ERG: variants seen among roughly 807,000 people sequenced by gnomAD.
The protein encoded by ERG is ETS transcription factor ERG.
Under a neutral mutation model 55.3 loss-of-function variants are expected in ERG, and 9 were observed. The observed-to-expected ratio is 0.16, with a 90% CI of 0.10 to 0.28. The LOEUF (loss-of-function observed/expected upper bound fraction) is 0.28, where lower values mean the gene tolerates loss of function less well. Ranked by LOEUF, ERG falls within the 10% of genes least tolerant of loss-of-function variation. The pLI, the probability that ERG is intolerant of heterozygous loss-of-function variation, is 1.00. For synonymous variants in ERG, 223 were observed against 237.3 expected, an observed-to-expected ratio of 0.94 and a Z score of 0.55; for missense variants, 434 against 631.6, an observed-to-expected ratio of 0.69 and a Z score of 3.35.
At chr21:38,622,436 C>T (rs77496968) in intron 1 of ERG, among the ~76,000 whole-genome samples, 1 of 149,096 alleles carries the variant, frequency 6.7e-6, no homozygotes, top group Non-Finnish European at 1.5e-5. Context: ...ACACACACAC[C>T]CCCCACACAT....
intron 1 of ERG, among the ~76,000 whole-genome samples, chr21:38,628,912 G>C (rs890670945): frequency 1.3e-5 from 2 of 152,148 alleles, no homozygotes; most frequent in Admixed American, 6.5e-5. Context: ...AGCTTTAGAG[G>C]ACTAGGGCCT....
chr21:38,595,758 C>A (rs529637210), intron 1 of ERG, among the ~76,000 whole-genome samples: 8 of 152,226 alleles, frequency 5.3e-5, no homozygotes, highest in Middle Eastern at 3.4e-3. Context: ...AGGGTCCGCA[C>A]CTGGAGGGCA....
intron 6 of ERG, among the ~76,000 whole-genome samples, chr21:38,396,393 A>G (rs1018268496): frequency 1.3e-5 from 2 of 152,060 alleles, no homozygotes; most frequent in Admixed American, 1.3e-4. Context: ...CATAACACCT[A>G]ACTGAGAGAT....
At chr21:38,532,773 T>C (rs565996673) in intron 2 of ERG, among the ~76,000 whole-genome samples, 2 of 152,342 alleles carry the variant, frequency 1.3e-5, no homozygotes, top group Admixed American at 6.5e-5. Flanking sequence ...ATGATCTCTA[T>C]GGATAGTAGA....
intron 1 of ERG, among the ~76,000 whole-genome samples, chr21:38,657,714 A>G (rs974011845): frequency 6.6e-6 from 1 of 152,226 alleles, no homozygotes; most frequent in African/African-American, 2.4e-5. Flanking sequence ...TTTACAAAAT[A>G]ACTGCTTTCA....
Position 38,573,979 on chromosome 21 carries a change from G to A in ERG, c.-41+1683C>T, listed in dbSNP as rs186090425. Among the ~76,000 whole-genome samples the A allele has an allele frequency of 2.6e-5, 4 of 152,280 alleles. No homozygotes were observed. The East Asian group carries it at 7.7e-4, about 29-fold the overall frequency. ...CACATTTTCAAAGATGGTGTTTTCA[G>A]GTTTGTATGGGATTGTTTCACCTTT... On this transcript the variant is annotated intron_variant, in intron 2 of 8. Coordinates refer to the ERG transcript ENST00000398897.
intron 3 of ERG, among the ~76,000 whole-genome samples, chr21:38,404,591 G>A (rs565593716): frequency 4.9e-4 from 74 of 152,274 alleles, no homozygotes; most frequent in Non-Finnish European, 9.4e-4. Flanking sequence ...CTTGGGCCCC[G>A]AGCCCTGAGA....
chr21:38,615,475 A>C (rs2060253084), intron 1 of ERG, among the ~76,000 whole-genome samples: 1 of 151,912 alleles, frequency 6.6e-6, no homozygotes, highest in Non-Finnish European at 1.5e-5. Context: ...CAAGTAAAGG[A>C]GGCAGTAAAG....
chr21:38,631,742 A>T (rs1291831098), intron 1 of ERG, among the ~76,000 whole-genome samples: 1 of 151,368 alleles, frequency 6.6e-6, no homozygotes. Context: ...CCCTATCCTG[A>T]CCTCTTGGTA....
intron 2 of ERG, among the ~76,000 whole-genome samples, chr21:38,534,280 T>C (rs566528278): frequency 1.3e-5 from 2 of 152,326 alleles, no homozygotes; most frequent in African/African-American, 2.4e-5. Context: ...TGTGATTTTT[T>C]TTAATGTCAC....
intron 6 of ERG, among the ~76,000 whole-genome samples, chr21:38,395,158 T>C (rs1988152149): frequency 6.6e-6 from 1 of 152,234 alleles, no homozygotes; most frequent in African/African-American, 2.4e-5. Context: ...GCTTTTGTTT[T>C]CTTCCATGAC....
At chr21:38,548,411 T>TA (rs1284565610) in intron 2 of ERG, among the ~76,000 whole-genome samples, 2 of 152,042 alleles carry the variant, frequency 1.3e-5, no homozygotes, top group East Asian at 3.9e-4. Context: ...CCAAGATCCT[T>TA]ATAGTTTTCC....
intron 1 of ERG, among the ~76,000 whole-genome samples, chr21:38,633,433 G>A (rs544185220): frequency 6.6e-6 from 1 of 152,240 alleles, no homozygotes; most frequent in African/African-American, 2.4e-5. Context: ...ACTCTTCATA[G>A]AGCTTTTGTA....
At chr21:38,444,717 T>G (rs1471264902) in intron 2 of ERG, among the ~76,000 whole-genome samples, 1 of 105,364 alleles carries the variant, frequency 9.5e-6, no homozygotes, top group African/African-American at 3.6e-5. Flanking sequence ...ATGTGTAAGC[T>G]AAGAGGAGGA....
intron 2 of ERG, among the ~76,000 whole-genome samples, chr21:38,550,683 T>C (rs963683750): frequency 6.6e-6 from 1 of 152,242 alleles, no homozygotes; most frequent in Non-Finnish European, 1.5e-5. Flanking sequence ...ACTCAATGTA[T>C]AGCACTTTGT....
At chr21:38,410,537 C>A (rs2146473743) in intron 3 of ERG, among the ~76,000 whole-genome samples, 1 of 152,192 alleles carries the variant, frequency 6.6e-6, no homozygotes, top group East Asian at 1.9e-4. Flanking sequence ...TGGAGTTGTA[C>A]TGTTAATGTA....
intron 2 of ERG, among the ~76,000 whole-genome samples, chr21:38,551,042 AT>A (rs1287152589): frequency 6.6e-6 from 1 of 152,218 alleles, no homozygotes; most frequent in Non-Finnish European, 1.5e-5. Flanking sequence ...TTGAGGAAAA[AT>A]AACTATTTCT....
chr21:38,635,146 A>G (rs2060380441), intron 1 of ERG, among the ~76,000 whole-genome samples: 1 of 152,182 alleles, frequency 6.6e-6, no homozygotes. Context: ...GGAGGAAGAG[A>G]AGGATGAATA....
At chr21:38,507,331 T>G (rs547439768) in intron 2 of ERG, among the ~76,000 whole-genome samples, 14 of 152,334 alleles carry the variant, frequency 9.2e-5, no homozygotes, top group Non-Finnish European at 2.1e-4. Context: ...GTGACCCCGA[T>G]GCGTCATTTA....
Sources: allele counts gnomAD v4.1 joint callset (sites outside exome capture counted in the v4.1 genomes callset), GRCh38; gene constraint gnomAD v4.1.1; transcripts MANE v1.5; gene names NCBI Gene and HGNC (gene_info 2026-07-23, HGNC 2026-07-21).